The following ASXL2 variants were observed in gnomAD, a reference collection of about 807,000 sequenced individuals.
ASXL2 encodes the protein putative Polycomb group protein ASXL2.
Under a neutral mutation model 122.0 loss-of-function variants are expected in ASXL2, and 23 were observed. The ratio of observed to expected loss-of-function variants is 0.19; its 90% confidence interval spans 0.14 to 0.27. The LOEUF (loss-of-function observed/expected upper bound fraction) is 0.27. Ranked by LOEUF, ASXL2 falls within the 10% of genes least tolerant of loss-of-function variation. ASXL2 has a pLI of 1.00. For missense variants in ASXL2, 1,518 were observed against 1,713.8 expected, an observed-to-expected ratio of 0.89 and a Z score of 2.02; for synonymous variants, 650 against 637.0, an observed-to-expected ratio of 1.02 and a Z score of -0.31.
Position 25,744,264 on chromosome 2 carries a change from T to G in ASXL2, c.2073A>C (p.Pro691=), listed in dbSNP as rs746767104. ...AAAASVGGTI[P]GPGPGGGQGP... is the part of the protein sequence containing the mutation. ...CTTGTCCACCCCCTGGGCCAGGTCCTGGAATGGTCCCTCCAACTGAGGCGG... is the reference window on the plus strand; with the variant it reads ...CTTGTCCACCCCCTGGGCCAGGTCCGGGAATGGTCCCTCCAACTGAGGCGG... The change falls in exon 13 of 13, where the codon CCA becomes CCC. Residue 691 remains proline (P), a synonymous_variant. Coordinates refer to ENST00000435504, the MANE Select transcript of ASXL2 (RefSeq NM_018263.6). This position sits in a 1 kb window ranked among gnomAD's most constrained non-coding sequence, Gnocchi z 4.7. 44 of 1,613,798 alleles carry G rather than the reference T, an allele frequency of 2.7e-5. No homozygotes were observed. The highest frequency in any genetic ancestry group is 3.6e-5 in the Non-Finnish European group (43 of 1,179,872).
rs2090029505 is a variant in ASXL2, at chr2:25,878,446, C to G, written c.-224G>C. 2 of 591,486 alleles carry G rather than the reference C, an allele frequency of 3.4e-6. No homozygotes were observed. Among genetic ancestry groups the G allele is most frequent in the African/African-American group, 3.7e-5 (2 of 53,424 alleles). The allele number at this position is 591,486 out of a possible 1,614,324, so 36.6% of individuals were successfully genotyped here. Reference sequence around the variant, plus strand: ...CCGTTGCCACTGCTACCGCCGCTGCCATATTGGGTTCTTACTGTACAGGCT... The same window carrying G: ...CCGTTGCCACTGCTACCGCCGCTGCGATATTGGGTTCTTACTGTACAGGCT... On this transcript the variant is annotated 5_prime_UTR_variant, in exon 1 of 13. An upstream start codon of the reference 5' UTR is lost. Coordinates refer to ENST00000435504, the MANE Select transcript of ASXL2 (RefSeq NM_018263.6).
chr2:25,868,638 A>G (rs1467570028), intron 1 of ASXL2, among the ~76,000 whole-genome samples: 1 of 152,244 alleles, frequency 6.6e-6, no homozygotes. Flanking sequence ...GTGTCTTAGC[A>G]TAATTTTCTT....
chr2:25,832,779 A>G (rs1401582747), intron 3 of ASXL2, among the ~76,000 whole-genome samples: 1 of 152,236 alleles, frequency 6.6e-6, no homozygotes, highest in Non-Finnish European at 1.5e-5. Context: ...AAGCCTGGAA[A>G]CAATTCAGAT....
chr2:25,733,774 TA>T lies in ASXL2; in HGVS notation c.*8254del, dbSNP rs2087682923. Reference sequence around the variant, plus strand: ...TCGCTAGGGTAAAACTGTATGCCTTTATTCAACATAGAATGAGTCAGTAAAA... The same window carrying T: ...TCGCTAGGGTAAAACTGTATGCCTTTTTCAACATAGAATGAGTCAGTAAAA... On this transcript the variant is annotated 3_prime_UTR_variant, in exon 13 of 13. Transcript: ENST00000435504. 6.6e-6 allele frequency: 1 copy of T among 152,248 alleles called. No homozygotes were observed. The allele number at this position is 152,248 out of a possible 1,614,324, so 9.4% of individuals were successfully genotyped here. A position where few individuals can be genotyped will look rare whatever the true frequency, so the allele number is the denominator to read the frequency against.
rs2087777471 is a variant in ASXL2 at position 25,738,706 on chromosome 2, G to C, written c.*3323C>G. 1 of 152,146 alleles carries C rather than the reference G, an allele frequency of 6.6e-6. No homozygotes were observed. The highest frequency in any genetic ancestry group is 1.5e-5 in the Non-Finnish European group (1 of 68,030). The allele number at this position is 152,146 out of a possible 1,614,324, so 9.4% of individuals were successfully genotyped here. On this transcript the variant is annotated 3_prime_UTR_variant, in exon 13 of 13. Transcript: ENST00000435504. ...ATAAACAACAGAATGTTAACTGTCA[G>C]GTCATTAATATGTATGACTTTGCAC... is the stretch of plus-strand genomic sequence containing the variant.
At chr2:25,783,060 C>T (rs1351562307) in intron 5 of ASXL2, among the ~76,000 whole-genome samples, 1 of 151,890 alleles carries the variant, frequency 6.6e-6, no homozygotes, top group African/African-American at 2.4e-5. Flanking sequence ...ATCCAGGAGG[C>T]GGAGGCTGCA....
rs748913264 is a variant in ASXL2, at chr2:25,749,754, G to A, written c.1802C>T (p.Pro601Leu). 6.3e-7 allele frequency: 1 copy of A among 1,583,162 alleles called. No homozygotes were observed. Among genetic ancestry groups the A allele is most frequent in the Non-Finnish European group, 8.6e-7 (1 of 1,169,410 alleles). Residue 601 changes from proline to leucine, a missense_variant, in exon 12 of 13, where the codon CCA becomes CTA. Around this residue, in one of 8 missense-constraint regions of ASXL2, gnomAD observed 292 missense variants for 293.5 expected, o/e 1.00. Transcript: ENST00000435504. ...RQHQQPFQVSPQPFLNRGDRI... is the reference protein window; with the variant it reads ...RQHQQPFQVSLQPFLNRGDRI... ...GTCCCCTCTATTGAGAAAGGGCTGT[G>A]GTGAGACCTGAAATGGCTGCTGGTG...
chr2:25,799,897 C>T (rs1332439421), intron 4 of ASXL2, among the ~76,000 whole-genome samples: 1 of 150,784 alleles, frequency 6.6e-6, no homozygotes, highest in Non-Finnish European at 1.5e-5. Flanking sequence ...GTAATGCTAA[C>T]ACTTTGGGTG....
Position 25,810,316 on chromosome 2 carries a change from T to G in ASXL2, c.144-3979A>C, listed in dbSNP as rs1574427963. 8 of 653,662 alleles carry G rather than the reference T, an allele frequency of 1.2e-5. No homozygotes were observed. The East Asian group carries it at 2.6e-4, about 22-fold the overall frequency. The allele number at this position is 653,662 out of a possible 1,614,324, so 40.5% of individuals were successfully genotyped here. ...TACTTCCTATCTGCCTATTCTGCAGTGTGTTTAGCTTCTTTGAGTTGGATT... is the reference window on the plus strand; with the variant it reads ...TACTTCCTATCTGCCTATTCTGCAGGGTGTTTAGCTTCTTTGAGTTGGATT... On this transcript the variant is annotated intron_variant, in intron 3 of 12. Coordinates refer to ENST00000435504, the MANE Select transcript of ASXL2 (RefSeq NM_018263.6).
At chr2:25,812,303 A>T (rs2089180345) in intron 3 of ASXL2, among the ~76,000 whole-genome samples, 1 of 151,988 alleles carries the variant, frequency 6.6e-6, no homozygotes, top group Non-Finnish European at 1.5e-5. Context: ...TACTAAAAAT[A>T]TAAAAAATTA....
intron 6 of ASXL2, 44 bp downstream of exon 6, chr2:25,771,396 A>T (rs1269287391): frequency 1.3e-6 from 2 of 1,546,788 alleles, no homozygotes; most frequent in African/African-American, 2.7e-5. Flanking sequence ...TGCGTTTTAA[A>T]TACAGGAAAT....
intron 2 of ASXL2, 28 bp from the exon 3 acceptor site, chr2:25,835,568 T>A: frequency 3.7e-6 from 1 of 270,778 alleles, no homozygotes; most frequent in Non-Finnish European, 8.0e-6. Flanking sequence ...TGCAGGAAAA[T>A]GAAAGAAGGA....
chr2:25,748,055 A>G (rs566470341), intron 12 of ASXL2, among the ~76,000 whole-genome samples: 1 of 151,926 alleles, frequency 6.6e-6, no homozygotes, highest in East Asian at 1.9e-4. Flanking sequence ...CTTAATGCCT[A>G]TAATCCTAGC....
At chr2:25,844,178 T>C (rs148322121) in intron 2 of ASXL2, among the ~76,000 whole-genome samples, 3,206 of 152,268 alleles carry the variant, frequency 0.021, 127 homozygotes, top group African/African-American at 0.07. Flanking sequence ...TGCAAACTTT[T>C]CCTATCTTAA....
Position 25,743,321 on chromosome 2 carries a change from C to T in ASXL2, c.3016G>A (p.Glu1006Lys), listed in dbSNP as rs2087871422. Residue 1006 changes from glutamate to lysine, a missense_variant, in exon 13 of 13, where the codon GAA becomes AAA. Coordinates refer to ENST00000435504, the MANE Select transcript of ASXL2 (RefSeq NM_018263.6). ...TNTTENSTRE[E>K]VNERQSHPAT... ...GGATGGGACTGTCTCTCATTAACTT[C>T]CTCTCTGGTGCTATTTTCTGTTGTG... The T allele has an allele frequency of 1.2e-6, 2 of 1,613,850 alleles. No individual in the cohort carries two copies. The highest frequency in any genetic ancestry group is 2.7e-5 in the African/African-American group (2 of 74,916).
chr2:25,765,533 T>C (rs904567244), intron 8 of ASXL2, among the ~76,000 whole-genome samples: 2 of 151,954 alleles, frequency 1.3e-5, no homozygotes, highest in African/African-American at 4.8e-5. Context: ...GTTACAAAAA[T>C]TTCCACACTA....
intron 8 of ASXL2, among the ~76,000 whole-genome samples, chr2:25,763,227 T>TAC (rs1259911384): frequency 0.02 from 3,105 of 152,248 alleles, 77 homozygotes; most frequent in African/African-American, 0.066. Flanking sequence ...GGCTCATGCC[T>TAC]GTAATCCCAG....
intron 1 of ASXL2, among the ~76,000 whole-genome samples, chr2:25,874,173 G>A (rs1318582516): frequency 2.0e-5 from 3 of 151,636 alleles, no homozygotes; most frequent in Non-Finnish European, 2.9e-5. Context: ...GCGAGACCCC[G>A]TCTCTATAAA....
At chr2:25,871,602 G>T (rs1287261457) in intron 1 of ASXL2, among the ~76,000 whole-genome samples, 4 of 152,174 alleles carry the variant, frequency 2.6e-5, no homozygotes, top group Admixed American at 6.5e-5. Flanking sequence ...TATTTATTTT[G>T]GTTTTTGAGA....
Sources: gnomAD v4.1 joint callset for allele counts (sites outside exome capture counted in the v4.1 genomes callset) on GRCh38, gnomAD v4.1.1 for gene constraint, gnomAD v4.1.1 regional missense constraint, Gnocchi (gnomAD v3.1) non-coding constraint, MANE v1.5 for transcripts, NCBI Gene and HGNC (gene_info 2026-07-23, HGNC 2026-07-21) for gene names.